FOXO1: variants seen among roughly 807,000 people sequenced by gnomAD.
FOXO1 encodes forkhead box O1.
FOXO1 carries 6 observed loss-of-function variants against 44.1 expected under a neutral mutation model. The ratio of observed to expected loss-of-function variants is 0.14; its 90% CI spans 0.07 to 0.27. FOXO1 has a LOEUF of 0.27. Ranked by LOEUF, FOXO1 falls within the 10% of genes least tolerant of loss-of-function variation. The pLI is 1.00. For synonymous variants in FOXO1, 380 were observed against 362.7 expected, an observed-to-expected ratio of 1.05 and a Z score of -0.54; for missense variants, 737 against 888.8, an observed-to-expected ratio of 0.83 and a Z score of 2.17.
At chr13:40,638,505 G>T (rs896115207) in intron 1 of FOXO1, among the ~76,000 whole-genome samples, 2 of 152,126 alleles carry the variant, frequency 1.3e-5, no homozygotes, top group African/African-American at 4.8e-5. Flanking sequence ...ATAGAATTCT[G>T]CCCTTAAAAG....
chr13:40,645,811 A>C (rs1476104973), intron 1 of FOXO1, among the ~76,000 whole-genome samples: 1 of 152,090 alleles, frequency 6.6e-6, no homozygotes, highest in Non-Finnish European at 1.5e-5. Flanking sequence ...GGCCGGGTGC[A>C]GTGGCTGACA....
chr13:40,580,232 G>A (rs908090606), intron 1 of FOXO1, among the ~76,000 whole-genome samples: 1 of 152,090 alleles, frequency 6.6e-6, no homozygotes, highest in African/African-American at 2.4e-5. Flanking sequence ...ATATCCAAGT[G>A]AAATATATAT....
intron 1 of FOXO1, among the ~76,000 whole-genome samples, chr13:40,595,929 T>C (rs1875560781): frequency 6.7e-6 from 1 of 149,996 alleles, no homozygotes. Context: ...CCTGTAGAAA[T>C]GTCAGCTAAT....
At chr13:40,580,185 T>C (rs1439473311) in intron 1 of FOXO1, among the ~76,000 whole-genome samples, 1 of 152,160 alleles carries the variant, frequency 6.6e-6, no homozygotes, top group Non-Finnish European at 1.5e-5. Context: ...TTCTCATATA[T>C]TCATTCAAAA....
At chr13:40,618,159 A>G (rs1005646241) in intron 1 of FOXO1, among the ~76,000 whole-genome samples, 14 of 152,198 alleles carry the variant, frequency 9.2e-5, no homozygotes. Flanking sequence ...GCTCACTGCA[A>G]CCCCGCCTCC....
intron 1 of FOXO1, among the ~76,000 whole-genome samples, chr13:40,637,108 A>G (rs563056612): frequency 9.9e-5 from 15 of 152,134 alleles, no homozygotes; most frequent in Non-Finnish European, 1.5e-4. Flanking sequence ...CCAACTCAAC[A>G]CTGTGACAGC....
At chr13:40,564,120 A>AG (rs1293447769) in intron 1 of FOXO1, among the ~76,000 whole-genome samples, 2 of 152,086 alleles carry the variant, frequency 1.3e-5, no homozygotes, top group Non-Finnish European at 2.9e-5. Flanking sequence ...ACTTGGGGAG[A>AG]GGGGGTGAAG....
chr13:40,594,469 AG>A, intron 1 of FOXO1, among the ~76,000 whole-genome samples: 1 of 152,332 alleles, frequency 6.6e-6, no homozygotes, highest in Middle Eastern at 3.4e-3. Flanking sequence ...GATGGGAAAC[AG>A]GCCCAGGTTA....
chr13:40,655,835 G>C (rs1244772003), intron 1 of FOXO1, among the ~76,000 whole-genome samples: 1 of 151,820 alleles, frequency 6.6e-6, no homozygotes, highest in East Asian at 1.9e-4. Flanking sequence ...GTAGAGATGG[G>C]ATTTCACTAT....
Position 40,570,069 on chromosome 13 carries a change from T to G in FOXO1, c.631-9209A>C, listed in dbSNP as rs539439768. Among the ~76,000 whole-genome samples, 4 of 152,116 alleles carry G rather than the reference T, an allele frequency of 2.6e-5. No homozygotes were observed. In the South Asian group the frequency reaches 6.2e-4, roughly 24 times the overall value. On this transcript the variant is annotated intron_variant, in intron 1 of 2. Transcript: ENST00000379561. ...GGCTCATGCCTGTAATCACAGCACTTTGGGAGGCCGAGGCAGGCAGATCAC... is the reference window on the plus strand; with the variant it reads ...GGCTCATGCCTGTAATCACAGCACTGTGGGAGGCCGAGGCAGGCAGATCAC...
chr13:40,665,251 G>C (rs984728491), intron 1 of FOXO1, among the ~76,000 whole-genome samples: 1 of 152,070 alleles, frequency 6.6e-6, no homozygotes. Flanking sequence ...CGCGGGCCGG[G>C]GGTTGCCGCT....
rs74553739 is a variant in FOXO1, at chr13:40,635,209, T to A, written c.630+30374A>T. On this transcript the variant is annotated intron_variant, in intron 1 of 2. Coordinates refer to ENST00000379561, the MANE Select transcript of FOXO1 (RefSeq NM_002015.4). ...CCTAGTTCTTCATTAACCAAAAAAATTTTTGAAAAATACTGGTTCCCATTC... is the reference window on the plus strand; with the variant it reads ...CCTAGTTCTTCATTAACCAAAAAAAATTTTGAAAAATACTGGTTCCCATTC... Among the ~76,000 whole-genome samples the A allele has an allele frequency of 5.5e-5, 8 of 145,516 alleles. 1 individual carries two copies. The highest frequency in any genetic ancestry group is 2.1e-4 in the African/African-American group (8 of 38,718).
intron 1 of FOXO1, among the ~76,000 whole-genome samples, chr13:40,622,859 GGAA>G (rs755928867): frequency 2.6e-5 from 4 of 152,134 alleles, no homozygotes; most frequent in Non-Finnish European, 4.4e-5. Context: ...AAGTAAGCGT[GGAA>G]GAAGAAGAGT....
chr13:40,557,711 G>C lies in FOXO1; in HGVS notation c.*1338C>G, dbSNP rs1873809691. The C allele has an allele frequency of 6.6e-6, 1 of 152,198 alleles. No homozygotes were observed. The highest frequency in any genetic ancestry group is 1.5e-5 in the Non-Finnish European group (1 of 68,022). 9.4% of individuals were successfully genotyped at this position (152,198 alleles called of 1,614,324 possible). Reference sequence around the variant, plus strand: ...CCAACCTCCACCTGGACTGAAACAAGAGCAAAGAATTATGAGGGGAAACTT... The same window carrying C: ...CCAACCTCCACCTGGACTGAAACAACAGCAAAGAATTATGAGGGGAAACTT... On this transcript the variant is annotated 3_prime_UTR_variant, in exon 3 of 3. Transcript: ENST00000379561.
intron 1 of FOXO1, among the ~76,000 whole-genome samples, chr13:40,577,584 C>T (rs970418098): frequency 6.6e-6 from 1 of 152,158 alleles, no homozygotes; most frequent in Non-Finnish European, 1.5e-5. Context: ...GACAGGAACA[C>T]CACACCTTAG....
At chr13:40,634,893 G>A (rs1042820483) in intron 1 of FOXO1, among the ~76,000 whole-genome samples, 1 of 152,018 alleles carries the variant, frequency 6.6e-6, no homozygotes, top group Non-Finnish European at 1.5e-5. Flanking sequence ...GGCCAGGCTG[G>A]TCTCGAACTC....
intron 1 of FOXO1, among the ~76,000 whole-genome samples, chr13:40,582,853 T>C (rs1875009628): frequency 6.6e-6 from 1 of 152,250 alleles, no homozygotes; most frequent in South Asian, 2.1e-4. Context: ...TTAATATTGC[T>C]ATTATGACCT....
In FOXO1 at chr13:40,560,182, T is replaced by A. The variant is rs577834620; in HGVS notation, c.1309A>T (p.Met437Leu). ...GQSSMSPLPQ[M>L]PIQTLQDNKS... ...TTGTCCTGAAGTGTTTGTATAGGCA[T>A]CTGGGGCAAAGGGCTCATGCTGGAT... Residue 437 changes from methionine to leucine, a missense_variant, in exon 2 of 3, where the codon ATG becomes TTG. Physicochemically the swap from Met to Leu is conservative, Grantham distance 15 (BLOSUM62 2). Transcript: ENST00000379561. The surrounding 1 kb of genome is among the most constrained non-coding windows in gnomAD (Gnocchi z 5.1). The A allele has an allele frequency of 1.2e-6, 2 of 1,614,170 alleles. No individual in the cohort carries two copies. Among genetic ancestry groups the A allele is most frequent in the South Asian group, 2.2e-5 (2 of 91,080 alleles).
Position 40,619,738 on chromosome 13 carries a change from G to A in FOXO1, c.630+45845C>T, listed in dbSNP as rs941960806. 9 of 931,774 alleles carry A rather than the reference G, an allele frequency of 9.7e-6. No homozygotes were observed. The South Asian group carries it at 1.2e-4, about 12-fold the overall frequency. 57.7% of individuals were successfully genotyped at this position (931,774 alleles called of 1,614,324 possible). On this transcript the variant is annotated intron_variant, in intron 1 of 2. Transcript: ENST00000379561. Reference sequence around the variant, plus strand: ...TTCAGCTGAAGGATCTTTCTCAACAGTAGGAAGATTAAAAAATGGAACTGG... The same window carrying A: ...TTCAGCTGAAGGATCTTTCTCAACAATAGGAAGATTAAAAAATGGAACTGG...
Sources: gnomAD v4.1 joint callset for allele counts (sites outside exome capture counted in the v4.1 genomes callset) on GRCh38, gnomAD v4.1.1 for gene constraint, Gnocchi (gnomAD v3.1) non-coding constraint, MANE v1.5 for transcripts, NCBI Gene and HGNC (gene_info 2026-07-23, HGNC 2026-07-21) for gene names.